LARGE1: variants seen among roughly 807,000 people sequenced by gnomAD.
LARGE1 encodes xylosyl- and glucuronyltransferase LARGE1.
Under a neutral mutation model 87.6 loss-of-function variants are expected in LARGE1, and 43 were observed. The observed-to-expected ratio is 0.49, with a 90% confidence interval of 0.38 to 0.63. The LOEUF (loss-of-function observed/expected upper bound fraction) is 0.63. Ranked by LOEUF, LARGE1 falls within the 30% of genes least tolerant of loss-of-function variation. LARGE1 has a pLI of 0.00. For synonymous variants in LARGE1, 434 were observed against 394.6 expected, an observed-to-expected ratio of 1.10 and a Z score of -1.18; for missense variants, 802 against 1,000.2, an observed-to-expected ratio of 0.80 and a Z score of 2.67.
chr22:33,494,478 A>G (rs2070006423), intron 6 of LARGE1, among the ~76,000 whole-genome samples: 1 of 152,258 alleles, frequency 6.6e-6, no homozygotes, highest in African/African-American at 2.4e-5. Context: ...TCAAAATGGT[A>G]GAAGAAAATG....
chr22:33,575,117 G>A (rs2078315254), intron 5 of LARGE1, among the ~76,000 whole-genome samples: 1 of 152,044 alleles, frequency 6.6e-6, no homozygotes, highest in South Asian at 2.1e-4. Flanking sequence ...AGCACCCCGG[G>A]TGATTCAAAA....
intron 13 of LARGE1, 89 bp from the exon 14 acceptor site, chr22:33,277,344 C>T (rs1929526278): frequency 8.1e-7 from 1 of 1,231,894 alleles, no homozygotes; most frequent in Non-Finnish European, 1.2e-6. Flanking sequence ...GGGGTGTACA[C>T]TGATGTAGTC....
chr22:33,671,786 A>T (rs1346019160), intron 2 of LARGE1, among the ~76,000 whole-genome samples: 1 of 152,220 alleles, frequency 6.6e-6, no homozygotes. Context: ...GGAGTTATTG[A>T]TATCCTACCG....
At chr22:33,676,924 A>G (rs1244371701) in intron 2 of LARGE1, among the ~76,000 whole-genome samples, 2 of 152,230 alleles carry the variant, frequency 1.3e-5, no homozygotes, top group Non-Finnish European at 2.9e-5. Flanking sequence ...CTTCAAAGCA[A>G]TAAGATAGAG....
At chr22:33,595,770 T>C (rs1367321473) in intron 5 of LARGE1, among the ~76,000 whole-genome samples, 2 of 152,198 alleles carry the variant, frequency 1.3e-5, no homozygotes, top group East Asian at 1.9e-4. Flanking sequence ...GCCATGCCCA[T>C]GCCAAAGGCT....
chr22:33,160,174 G>A (rs1218564792), downstream of LARGE1, among the ~76,000 whole-genome samples: 2 of 152,140 alleles, frequency 1.3e-5, no homozygotes, highest in African/African-American at 4.8e-5. Context: ...TATATGACAA[G>A]TTCAATGTTC....
intron 11 of LARGE1, among the ~76,000 whole-genome samples, chr22:33,209,872 C>A (rs1457745671): frequency 6.6e-6 from 1 of 152,180 alleles, no homozygotes; most frequent in South Asian, 2.1e-4. Context: ...TGGTCTCGAA[C>A]TCCTGGCCTC....
the LARGE1 span, among the ~76,000 whole-genome samples, chr22:33,095,717 C>T: frequency 1.3e-5 from 2 of 152,092 alleles, no homozygotes; most frequent in African/African-American, 2.4e-5. Flanking sequence ...TCGCTATGTG[C>T]CCCATCTATG....
chr22:33,563,546 C>A (rs1040158564), intron 6 of LARGE1, among the ~76,000 whole-genome samples: 1 of 152,146 alleles, frequency 6.6e-6, no homozygotes, highest in Non-Finnish European at 1.5e-5. Context: ...AAGAGAAAAA[C>A]AAACAGACAC....
chr22:33,161,372 T>A (rs1218430537), downstream of LARGE1, among the ~76,000 whole-genome samples: 1 of 152,032 alleles, frequency 6.6e-6, no homozygotes, highest in African/African-American at 2.4e-5. Context: ...CAAAACACAA[T>A]CATGCCTTCC....
chr22:33,563,686 C>T (rs574215847), intron 6 of LARGE1, among the ~76,000 whole-genome samples: 7 of 152,304 alleles, frequency 4.6e-5, no homozygotes, highest in Admixed American at 3.3e-4. Flanking sequence ...CACGTCCACA[C>T]GTTCTATGAA....
intron 6 of LARGE1, among the ~76,000 whole-genome samples, chr22:33,539,358 C>T (rs532837800): frequency 6.6e-6 from 1 of 152,232 alleles, no homozygotes; most frequent in Non-Finnish European, 1.5e-5. Flanking sequence ...GCACTTCACA[C>T]TCATCTTATC....
chr22:33,811,944 C>T (rs964008098), intron 1 of LARGE1, among the ~76,000 whole-genome samples: 1 of 152,262 alleles, frequency 6.6e-6, no homozygotes, highest in South Asian at 2.1e-4. Flanking sequence ...TGGGCTGACC[C>T]GGGCTTAGCG....
intron 5 of LARGE1, among the ~76,000 whole-genome samples, chr22:33,595,117 G>A (rs1354576771): frequency 6.6e-6 from 1 of 152,040 alleles, no homozygotes; most frequent in African/African-American, 2.4e-5. Context: ...GTTCTTGGGA[G>A]GACAGAATGA....
At chr22:33,297,437 C>T (rs572486854) in intron 12 of LARGE1, among the ~76,000 whole-genome samples, 24 of 146,336 alleles carry the variant, frequency 1.6e-4, no homozygotes, top group African/African-American at 4.3e-4. Flanking sequence ...GGCAAAACTC[C>T]GTCTCTACTG....
intron 6 of LARGE1, among the ~76,000 whole-genome samples, chr22:33,556,643 GA>G (rs1403201031): frequency 2.0e-5 from 3 of 151,220 alleles, no homozygotes; most frequent in African/African-American, 7.3e-5. Context: ...AGGAACTCAG[GA>G]AGGTAGGGAG....
intron 6 of LARGE1, among the ~76,000 whole-genome samples, chr22:33,511,598 A>G (rs1364884135): frequency 6.6e-6 from 1 of 152,162 alleles, no homozygotes; most frequent in Admixed American, 6.5e-5. Context: ...TGCAGACCCT[A>G]TGACAGGGAT....
chr22:33,141,186 T>TCACACA, the LARGE1 span, among the ~76,000 whole-genome samples: 2 of 146,554 alleles, frequency 1.4e-5, no homozygotes, highest in African/African-American at 5.4e-5. Flanking sequence ...TCTCTCTCTC[T>TCACACA]CTCTCTCTCA....
intron 7 of LARGE1, among the ~76,000 whole-genome samples, chr22:33,428,677 C>T (rs1377527526): frequency 4.2e-5 from 6 of 144,344 alleles, no homozygotes; most frequent in Non-Finnish European, 6.0e-5. Flanking sequence ...AATCCCAGCA[C>T]TTTGGGAGGC....
Sources: allele counts gnomAD v4.1 joint callset (sites outside exome capture counted in the v4.1 genomes callset), GRCh38; gene constraint gnomAD v4.1.1; transcripts MANE v1.5; gene names NCBI Gene and HGNC (gene_info 2026-07-23, HGNC 2026-07-21).